SHISAL2A: variants seen among roughly 807,000 people sequenced by gnomAD.
The protein encoded by SHISAL2A is shisa like 2A, also known as protein shisa-like-2A.
A neutral mutation model predicts 11.5 loss-of-function variants in SHISAL2A; 18 were observed. The ratio of observed to expected loss-of-function variants is 1.57; its 90% CI spans 1.08 to 2.33. The LOEUF (loss-of-function observed/expected upper bound fraction) is 2.33, where lower values mean the gene tolerates loss of function less well. Ranked by LOEUF, SHISAL2A falls within the 30% of genes most tolerant of loss-of-function variation. The pLI is 0.00. For missense variants in SHISAL2A, 261 were observed against 250.9 expected (o/e 1.04, Z -0.27); for synonymous variants, 94 against 99.6 (o/e 0.94, Z 0.34).
intron 2 of SHISAL2A, among the ~76,000 whole-genome samples, chr1:52,643,870 A>G (rs58331102): frequency 9.2e-5 from 12 of 130,284 alleles, no homozygotes; most frequent in African/African-American, 3.0e-4. Context: ...GAAAGAAAGA[A>G]AGAGAGAAAG....
chr1:52,656,685 T>C, intron 2 of SHISAL2A, 105 bp from the exon 3 acceptor site: 5 of 1,257,284 alleles, frequency 4.0e-6, no homozygotes, highest in Non-Finnish European at 4.5e-6. Flanking sequence ...TCTAAGGCTC[T>C]GACCACAGTG....
At chr1:52,643,826 C>T (rs1157987363) in intron 2 of SHISAL2A, among the ~76,000 whole-genome samples, 5 of 145,514 alleles carry the variant, frequency 3.4e-5, no homozygotes, top group African/African-American at 1.3e-4. Flanking sequence ...GCACTCCAGC[C>T]TGGGCGACAG....
At chr1:52,665,844 C>A (rs919964422) in intron 4 of SHISAL2A, among the ~76,000 whole-genome samples, 1 of 152,182 alleles carries the variant, frequency 6.6e-6, no homozygotes, top group Non-Finnish European at 1.5e-5. Flanking sequence ...CAGGCAGCTG[C>A]TGACTCACCC....
At chr1:52,668,712 A>G (rs1692056683) in exon 6 of SHISAL2A, 1 of 152,458 alleles carries the variant, frequency 6.6e-6, no homozygotes, top group Admixed American at 6.5e-5. Flanking sequence ...ACTCCAATCT[A>G]TGCCCTACCC....
At chr1:52,648,887 T>C (rs2149883672) in intron 2 of SHISAL2A, among the ~76,000 whole-genome samples, 1 of 150,438 alleles carries the variant, frequency 6.6e-6, no homozygotes, top group African/African-American at 2.4e-5. Context: ...ATACAGTTCA[T>C]CCCTCGGCCC....
At chr1:52,648,451 A>G (rs925237232) in intron 2 of SHISAL2A, among the ~76,000 whole-genome samples, 3 of 152,132 alleles carry the variant, frequency 2.0e-5, no homozygotes, top group African/African-American at 7.2e-5. Context: ...CATTTTACAG[A>G]TGAGGAAACT....
chr1:52,638,341 C>T (rs1320913820), intron 1 of SHISAL2A, among the ~76,000 whole-genome samples: 2 of 96,112 alleles, frequency 2.1e-5, no homozygotes, highest in Admixed American at 1.3e-4. Context: ...GTCCCACACA[C>T]GGGTCCCAAG....
At chr1:52,664,195 CTT>C (rs34583856) in intron 4 of SHISAL2A, among the ~76,000 whole-genome samples, 261 of 144,122 alleles carry the variant, frequency 1.8e-3, no homozygotes, top group African/African-American at 5.7e-3. Flanking sequence ...AATTTTTATT[CTT>C]TTTTTTTTTT....
chr1:52,648,168 T>TA (rs1356129626), intron 2 of SHISAL2A, among the ~76,000 whole-genome samples: 4 of 149,878 alleles, frequency 2.7e-5, no homozygotes, highest in Admixed American at 6.7e-5. Context: ...AATTGTTAGT[T>TA]TTATATATAT....
chr1:52,640,912 C>A (rs911074748), intron 1 of SHISAL2A, among the ~76,000 whole-genome samples: 1 of 152,170 alleles, frequency 6.6e-6, no homozygotes, highest in Non-Finnish European at 1.5e-5. Flanking sequence ...CCCCACCTCA[C>A]TCCAACCTCC....
At chr1:52,647,639 A>G (rs1306065772) in intron 2 of SHISAL2A, among the ~76,000 whole-genome samples, 1 of 152,062 alleles carries the variant, frequency 6.6e-6, no homozygotes, top group Admixed American at 6.6e-5. Context: ...TGAGGTCAGA[A>G]GTTCGAGACC....
downstream of SHISAL2A, among the ~76,000 whole-genome samples, chr1:52,657,658 C>T (rs893072507): frequency 3.9e-5 from 6 of 152,122 alleles, no homozygotes; most frequent in African/African-American, 9.7e-5. Context: ...TATTCAAGAC[C>T]AGCTTGGGCA....
chr1:52,665,784 A>T (rs1691999854), intron 4 of SHISAL2A, among the ~76,000 whole-genome samples: 1 of 151,056 alleles, frequency 6.6e-6, no homozygotes, highest in South Asian at 2.1e-4. Flanking sequence ...CTGCAGAAGC[A>T]CTCCTTTCTG....
chr1:52,655,479 AG>A (rs1691771355), intron 2 of SHISAL2A, among the ~76,000 whole-genome samples: 1 of 129,556 alleles, frequency 7.7e-6, no homozygotes, highest in African/African-American at 2.9e-5. Flanking sequence ...AAAAAAAAAA[AG>A]GTGGATGTGG....
chr1:52,633,493 G>A lies in SHISAL2A; in HGVS notation c.-1G>A. On this transcript the variant is annotated 5_prime_UTR_variant, in exon 1 of 3. Coordinates refer to ENST00000517870, the MANE Select transcript of SHISAL2A (RefSeq NM_001042693.3). The surrounding 1 kb of genome is among the most constrained non-coding windows in gnomAD (Gnocchi z 6.4). Reference sequence around the variant, plus strand: ...TGGCGGCGGGCTGGGCGCGGGGCGCGATGAGCGGCGCCTGCACGAGCTACG... The same window carrying A: ...TGGCGGCGGGCTGGGCGCGGGGCGCAATGAGCGGCGCCTGCACGAGCTACG... 1 of 1,500,402 alleles carries A rather than the reference G, an allele frequency of 6.7e-7. No individual in the cohort carries two copies. Among genetic ancestry groups the A allele is most frequent in the Non-Finnish European group, 8.8e-7 (1 of 1,131,446 alleles). The allele number at this position is 1,500,402 out of a possible 1,614,324, so 92.9% of individuals were successfully genotyped here.
downstream of SHISAL2A, chr1:52,657,128 A>G (rs939335183): frequency 1.4e-6 from 2 of 1,467,070 alleles, no homozygotes; most frequent in African/African-American, 2.8e-5. Context: ...GCCTAGCATG[A>G]TAAATGAGGG....
chr1:52,643,866 AAGAAAGAG>A (rs1269570480), intron 2 of SHISAL2A, among the ~76,000 whole-genome samples: 4 of 150,224 alleles, frequency 2.7e-5, no homozygotes, highest in Non-Finnish European at 5.9e-5. Flanking sequence ...GAAAGAAAGA[AAGAAAGAG>A]AGAAAGAGAG....
At chr1:52,665,306 T>C (rs2149896901) in intron 4 of SHISAL2A, among the ~76,000 whole-genome samples, 1 of 152,292 alleles carries the variant, frequency 6.6e-6, no homozygotes, top group African/African-American at 2.4e-5. Context: ...CTGATTCTAA[T>C]CCTGTGAAAC....
At chr1:52,634,822 T>A (rs1691205483) in intron 1 of SHISAL2A, among the ~76,000 whole-genome samples, 3 of 152,212 alleles carry the variant, frequency 2.0e-5, no homozygotes, top group African/African-American at 7.2e-5. Flanking sequence ...TGGCTTTTCA[T>A]CTATCAAACG....
Sources: allele counts gnomAD v4.1 joint callset (sites outside exome capture counted in the v4.1 genomes callset), GRCh38; gene constraint gnomAD v4.1.1; non-coding constraint Gnocchi (gnomAD v3.1); transcripts MANE v1.5; gene names NCBI Gene and HGNC (gene_info 2026-07-23, HGNC 2026-07-21).